The following ZNF479 variants were observed in gnomAD, a reference collection of about 807,000 sequenced individuals.
ZNF479 encodes KRAB zinc finger protein KR19.
In ZNF479, 15 loss-of-function variants were observed where a neutral mutation model predicts 14.7. The ratio of observed to expected loss-of-function variants is 1.02; its 90% confidence interval spans 0.68 to 1.57. ZNF479 has a LOEUF of 1.57. Among genes scored for constraint, ZNF479 ranks in the 40% most tolerant of loss-of-function variants. The pLI, the probability that ZNF479 is intolerant of heterozygous loss-of-function variation, is 0.00. For synonymous variants in ZNF479, 145 were observed against 211.5 expected (o/e 0.69, Z 2.73); for missense variants, 506 against 615.1 (o/e 0.82, Z 1.88).
In ZNF479 at chr7:57,118,071, G is replaced by T. The variant is rs1248472527; in HGVS notation, c.*1769C>A. Among the ~76,000 whole-genome samples the T allele has an allele frequency of 1.8e-4, 28 of 152,264 alleles. No individual in the cohort carries two copies. The highest frequency in any genetic ancestry group is 5.8e-4 in the African/African-American group (24 of 41,554). On this transcript the variant is annotated 3_prime_UTR_variant, in exon 4 of 4. Coordinates refer to ENST00000319636, the MANE Select transcript of ZNF479 (RefSeq NM_001370129.2). Reference sequence around the variant, plus strand: ...ATTTAATATGTTTTCCCCATTTACTGGTTCTGCAAAAATATTTAGTACAAA... The same window carrying T: ...ATTTAATATGTTTTCCCCATTTACTTGTTCTGCAAAAATATTTAGTACAAA...
rs1786475222 is a variant in ZNF479, at chr7:57,132,421, G to A, written c.-97C>T. 16 of 1,590,330 alleles carry A rather than the reference G, an allele frequency of 1.0e-5. No individual in the cohort carries two copies. The highest frequency in any genetic ancestry group is 1.3e-5 in the Non-Finnish European group (15 of 1,160,636). ...GAAGAGGAGAACTGCAGCTCTGGAC[G>A]CAGAGAAACACAAAGGACCCGCAAA... is the stretch of plus-strand genomic sequence containing the variant. On this transcript the variant is annotated 5_prime_UTR_variant, in exon 1 of 4. Transcript: ENST00000319636.
chr7:57,137,286 C>G (rs1183837043), upstream of ZNF479, among the ~76,000 whole-genome samples: 3 of 152,050 alleles, frequency 2.0e-5, no homozygotes, highest in African/African-American at 7.2e-5. Context: ...CAGGCATCCA[C>G]CACTACACCT....
intron 1 of ZNF479, among the ~76,000 whole-genome samples, chr7:57,128,109 ATT>A (rs555685367): frequency 1.3e-4 from 20 of 149,732 alleles, no homozygotes; most frequent in African/African-American, 4.6e-4. Context: ...TAATTTTTGT[ATT>A]TTTTTTTAGT....
In ZNF479 at chr7:57,119,787, T is replaced by C; in HGVS notation, c.*53A>G. On this transcript the variant is annotated 3_prime_UTR_variant, in exon 4 of 4. Transcript: ENST00000319636. ...ATTCTCTACATTTGTAGTGTTTTTT[T>C]CCAGTGTAAATTATTTTATGTATTA... 5 of 1,440,598 alleles carry C rather than the reference T, an allele frequency of 3.5e-6. No individual in the cohort carries two copies. The highest frequency in any genetic ancestry group is 4.7e-6 in the Non-Finnish European group (5 of 1,056,578). 89.2% of individuals were successfully genotyped at this position (1,440,598 alleles called of 1,614,324 possible). A position where few individuals can be genotyped will look rare whatever the true frequency, so the allele number is the denominator to read the frequency against.
In ZNF479 at chr7:57,126,697, T is replaced by C; in HGVS notation, c.61A>G (p.Ile21Val). ...TCCTCCAGAGAGAATTCTATAGCTA[T>C]GTCTCTGAATGTCAACAGTCCCTGG... ...REMGLLTFRD[I>V]AIEFSLEEWQ... Residue 21 changes from isoleucine to valine, a missense_variant, in exon 2 of 4, where the codon ATA (isoleucine) becomes GTA (valine). Ile to Val is a conservative substitution (Grantham distance 29, BLOSUM62 3). Transcript: ENST00000319636. The C allele has an allele frequency of 3.1e-6, 5 of 1,614,126 alleles. No homozygotes were observed. The highest frequency in any genetic ancestry group is 2.2e-5 in the East Asian group (1 of 44,864).
intron 3 of ZNF479, among the ~76,000 whole-genome samples, chr7:57,125,588 G>T (rs575158388): frequency 5.3e-5 from 8 of 151,692 alleles, no homozygotes; most frequent in African/African-American, 1.4e-4. Flanking sequence ...AATAAAAACA[G>T]AATGGCATGT....
Position 57,120,607 on chromosome 7 carries a change from T to A in ZNF479, c.808A>T (p.Thr270Ser). Residue 270 changes from threonine (T) to serine (S), a missense_variant, in exon 4 of 4, where the codon ACG (threonine) becomes TCG (serine). Physicochemically the swap from Thr to Ser is moderately conservative, Grantham distance 58. Around this residue, in one of 3 missense-constraint regions of ZNF479, gnomAD observed 420 missense variants for 474.2 expected, o/e 0.89. Transcript: ENST00000319636. ...AAGGCTTGGCCACATTCTTCACACG[T>A]GTAGGGTTTCTCTCCAGTATGAGTT... is the stretch of plus-strand genomic sequence containing the variant. ...KRTHTGEKPY[T>S]CEECGQAFRR... is the part of the protein sequence containing the mutation. 1 of 1,613,564 alleles carries A rather than the reference T, an allele frequency of 6.2e-7. No homozygotes were observed. The highest frequency in any genetic ancestry group is 1.1e-5 in the South Asian group (1 of 91,024).
rs1302257847 is a variant in ZNF479 at position 57,118,209 on chromosome 7, T to C, written c.*1631A>G. Among the ~76,000 whole-genome samples, 2 of 152,262 alleles carry C rather than the reference T, an allele frequency of 1.3e-5. No individual in the cohort carries two copies. Among genetic ancestry groups the C allele is most frequent in the African/African-American group, 4.8e-5 (2 of 41,454 alleles). On this transcript the variant is annotated 3_prime_UTR_variant, in exon 4 of 4. Coordinates refer to ENST00000319636, the MANE Select transcript of ZNF479 (RefSeq NM_001370129.2). ...TGTTCAACAAAGTTTGAGCATCTTC[T>C]CAGATCTTCAAATTTTTCCTTTAAT...
chr7:57,121,035 T>C lies in ZNF479; in HGVS notation c.380A>G (p.Lys127Arg), dbSNP rs2115857042. 6.2e-7 allele frequency: 1 copy of C among 1,613,996 alleles called. No homozygotes were observed. Among genetic ancestry groups the C allele is most frequent in the Non-Finnish European group, 8.5e-7 (1 of 1,179,964 alleles). ...KCGHEKLQFK[K>R]CCKSVGEYEV... is the part of the protein sequence containing the mutation. ...ATATTCACCCACACTTTTACAGCAT[T>C]TTTTAAATTGTAATTTCTCATGTCC... Residue 127 changes from lysine to arginine, a missense_variant, in exon 4 of 4, where the codon AAA becomes AGA. Lys to Arg is a conservative substitution (Grantham distance 26). Around this residue, in one of 3 missense-constraint regions of ZNF479, gnomAD observed 420 missense variants for 474.2 expected, o/e 0.89. Transcript: ENST00000319636.
Position 57,120,174 on chromosome 7 carries a change from C to T in ZNF479, c.1241G>A (p.Cys414Tyr). Residue 414 changes from cysteine (C) to tyrosine (Y), a missense_variant, in exon 4 of 4, where the codon TGT becomes TAT. By Grantham distance (194) the Cys-to-Tyr change is radical. This residue lies in a region of ZNF479 where 14 missense variants were observed against 43.4 expected (regional missense o/e 0.32). Coordinates refer to ENST00000319636, the MANE Select transcript of ZNF479 (RefSeq NM_001370129.2). The part of the protein sequence containing the change: ...TGERPYKCEE[C>Y]GKVFSLSSTL... ...TGAGGATAAGCTAAAGACTTTGCCA[C>T]ACTCTTCACATTTGTAGGGTCTCTC... The T allele has an allele frequency of 1.2e-6, 2 of 1,612,162 alleles. No individual in the cohort carries two copies. The highest frequency in any genetic ancestry group is 1.7e-6 in the Non-Finnish European group (2 of 1,179,088).
At chr7:57,131,880 C>A (rs1044598337) in intron 1 of ZNF479, among the ~76,000 whole-genome samples, 2 of 152,216 alleles carry the variant, frequency 1.3e-5, no homozygotes, top group South Asian at 2.1e-4. Context: ...TTTACAGTGA[C>A]TCCCATACAT....
intron 1 of ZNF479, among the ~76,000 whole-genome samples, chr7:57,127,075 T>G (rs958032672): frequency 6.9e-6 from 1 of 145,194 alleles, no homozygotes; most frequent in Non-Finnish European, 1.5e-5. Context: ...CAGGCTGGAG[T>G]GCAGTGGTAT....
intron 1 of ZNF479, among the ~76,000 whole-genome samples, chr7:57,128,798 A>G (rs1156280211): frequency 6.6e-6 from 1 of 152,240 alleles, no homozygotes; most frequent in Non-Finnish European, 1.5e-5. Flanking sequence ...ATCTGAACAC[A>G]AGGCATTCCA....
rs532668156 is a variant in ZNF479 at position 57,120,766 on chromosome 7, C to A, written c.649G>T (p.Glu217Ter). 9.2e-5 allele frequency: 148 copies of A among 1,612,800 alleles called. No homozygotes were observed. In the East Asian group the frequency reaches 2.4e-3, roughly 26 times the overall value. The change falls in exon 4 of 4, where the codon GAA (glutamate) becomes TAA (stop). Residue 217 changes from glutamate (E) to a stop codon, truncating the protein, a stop_gained. Transcript: ENST00000319636. LOFTEE classifies it low-confidence loss of function (END_TRUNC). ...GAGCAGTTAAAGGATTTGCCACATTCTTTGCATTTGTAGGACTTCTCCCTA... is the reference window on the plus strand; with the variant it reads ...GAGCAGTTAAAGGATTTGCCACATTATTTGCATTTGTAGGACTTCTCCCTA... ...HTREKSYKCK[E>*]CGKSFNCSSN...
intron 3 of ZNF479, among the ~76,000 whole-genome samples, chr7:57,125,289 A>G (rs1178860847): frequency 6.6e-6 from 1 of 152,092 alleles, no homozygotes; most frequent in African/African-American, 2.4e-5. Context: ...ATTGAAACCT[A>G]TGTAAGTTGT....
chr7:57,139,824 C>T (rs898493731), exon 1 of ZNF479: 2 of 152,230 alleles, frequency 1.3e-5, no homozygotes, highest in African/African-American at 4.8e-5. Context: ...TGAAATATCT[C>T]TAGGCCCATC....
At chr7:57,133,442 T>A (rs1338956021), upstream of ZNF479, among the ~76,000 whole-genome samples, 7 of 152,282 alleles carry the variant, frequency 4.6e-5, no homozygotes, top group Middle Eastern at 3.4e-3. Context: ...GCTATTTGTT[T>A]GTAGCAGTGT....
At chr7:57,132,452 G>C (rs1205651867), upstream of ZNF479, 10 of 1,412,638 alleles carry the variant, frequency 7.1e-6, no homozygotes, top group Middle Eastern at 4.1e-4. Flanking sequence ...GCAAAATTAC[G>C]GAAGTAGCCT....
intron 1 of ZNF479, among the ~76,000 whole-genome samples, chr7:57,128,282 G>A (rs1786266904): frequency 6.6e-6 from 1 of 152,068 alleles, no homozygotes; most frequent in South Asian, 2.1e-4. Flanking sequence ...CAAAGTTGAA[G>A]GTGCAGATAA....
Sources: gnomAD v4.1 joint callset for allele counts (sites outside exome capture counted in the v4.1 genomes callset) on GRCh38, gnomAD v4.1.1 for gene constraint, gnomAD v4.1.1 regional missense constraint, MANE v1.5 for transcripts, NCBI Gene and HGNC (gene_info 2026-07-23, HGNC 2026-07-21) for gene names.